NRG3: variants seen among roughly 807,000 people sequenced by gnomAD.
NRG3 encodes pro-neuregulin-3, membrane-bound isoform.
In NRG3, 31 loss-of-function variants were observed where a neutral mutation model predicts 66.9. That is an observed-to-expected ratio of 0.46 (90% CI 0.35 to 0.63). The LOEUF is 0.63. NRG3 is among the 20% of genes least tolerant of loss of function. NRG3 has a pLI of 0.00. For synonymous variants in NRG3, 393 were observed against 359.4 expected, an observed-to-expected ratio of 1.09 and a Z score of -1.06; for missense variants, 910 against 878.9, an observed-to-expected ratio of 1.04 and a Z score of -0.45.
chr10:82,579,535 A>G (rs963165612), intron 2 of NRG3, among the ~76,000 whole-genome samples: 24 of 152,044 alleles, frequency 1.6e-4, no homozygotes, highest in African/African-American at 5.8e-4. Context: ...ACAAGCACAC[A>G]TGTGCGTTTG....
chr10:82,532,657 A>T (rs1194995963), intron 2 of NRG3, among the ~76,000 whole-genome samples: 1 of 149,528 alleles, frequency 6.7e-6, no homozygotes, highest in Non-Finnish European at 1.5e-5. Context: ...ATATGTATAT[A>T]TCTCTCATTT....
chr10:82,497,860 A>G (rs1025233985), intron 2 of NRG3, among the ~76,000 whole-genome samples: 7 of 152,182 alleles, frequency 4.6e-5, no homozygotes, highest in South Asian at 2.1e-4. Context: ...CCCACCAACG[A>G]TAGACAAGGG....
At chr10:81,968,744 G>A (rs536218475) in intron 1 of NRG3, among the ~76,000 whole-genome samples, 19 of 152,276 alleles carry the variant, frequency 1.2e-4, no homozygotes, top group Non-Finnish European at 2.4e-4. Context: ...CTTGGAAAAA[G>A]TTAAATTCTT....
intron 1 of NRG3, among the ~76,000 whole-genome samples, chr10:81,959,661 A>G (rs551381250): frequency 3.5e-4 from 53 of 151,404 alleles, no homozygotes; most frequent in Non-Finnish European, 6.8e-4. Flanking sequence ...CAAGTCTTCC[A>G]CTTTTAACTT....
chr10:82,174,756 T>C (rs1376318428), intron 1 of NRG3, among the ~76,000 whole-genome samples: 3 of 152,092 alleles, frequency 2.0e-5, no homozygotes, highest in Admixed American at 6.6e-5. Context: ...TGTTATGATT[T>C]TGAGCACTCC....
chr10:82,773,657 CTTA>C (rs1280634489), intron 3 of NRG3, among the ~76,000 whole-genome samples: 1 of 151,720 alleles, frequency 6.6e-6, no homozygotes, highest in African/African-American at 2.4e-5. Flanking sequence ...AATTTGGATG[CTTA>C]TTGTTATTAT....
chr10:82,703,056 T>TTCTC (rs72202035), intron 2 of NRG3, among the ~76,000 whole-genome samples: 4,021 of 149,546 alleles, frequency 0.027, 185 homozygotes, highest in African/African-American at 0.093. Context: ...TCTTTTGTCT[T>TTCTC]TCTCTCTCTC....
Position 82,785,209 on chromosome 10 carries a change from TA to T in NRG3, c.1027+46560del, listed in dbSNP as rs562334225. On this transcript the variant is annotated intron_variant, in intron 3 of 8. Coordinates refer to ENST00000372141, the MANE Select transcript of NRG3 (RefSeq NM_001010848.4). The stretch of plus-strand genomic sequence containing the variant: ...TCACACTCTGGGGGCTGTTGTGGGG[TA>T]GGGGGAAGGGGGAGGGATAGCATTA... Among the ~76,000 whole-genome samples, 1,031 of 128,612 alleles carry T rather than the reference TA, an allele frequency of 8.0e-3. 14 individuals carry two copies. The highest frequency in any genetic ancestry group is 0.028 in the African/African-American group (940 of 33,310). The allele number at this position is 128,612 out of a possible 152,430, so 84.4% of individuals were successfully genotyped here. A position where few individuals can be genotyped will look rare whatever the true frequency, so the allele number is the denominator to read the frequency against.
At chr10:82,852,944 C>A (rs991962692) in intron 3 of NRG3, among the ~76,000 whole-genome samples, 2 of 152,146 alleles carry the variant, frequency 1.3e-5, no homozygotes, top group Non-Finnish European at 2.9e-5. Flanking sequence ...TTGCAGTCAA[C>A]CCTTCCTGAT....
At chr10:82,263,217 G>A (rs2078122936) in intron 1 of NRG3, among the ~76,000 whole-genome samples, 1 of 152,008 alleles carries the variant, frequency 6.6e-6, no homozygotes, top group African/African-American at 2.4e-5. Context: ...AGATGTGGAT[G>A]GCTGAGGGAA....
chr10:82,918,952 A>G (rs1846140948), intron 4 of NRG3, among the ~76,000 whole-genome samples: 1 of 152,056 alleles, frequency 6.6e-6, no homozygotes, highest in South Asian at 2.1e-4. Flanking sequence ...TAGTAATCCT[A>G]CCTGTTCTAG....
intron 3 of NRG3, among the ~76,000 whole-genome samples, chr10:82,750,060 C>A (rs779604259): frequency 1.3e-5 from 2 of 152,190 alleles, no homozygotes; most frequent in Non-Finnish European, 2.9e-5. Context: ...ATTTTCAACT[C>A]TGTTAACTAG....
At chr10:82,161,148 AT>A (rs1192910306) in intron 1 of NRG3, among the ~76,000 whole-genome samples, 1 of 152,090 alleles carries the variant, frequency 6.6e-6, no homozygotes, top group African/African-American at 2.4e-5. Flanking sequence ...ATTATCAAGA[AT>A]TCAGGTGGGG....
chr10:82,278,050 G>A (rs1221610546), intron 1 of NRG3, among the ~76,000 whole-genome samples: 1 of 152,014 alleles, frequency 6.6e-6, no homozygotes, highest in East Asian at 1.9e-4. Flanking sequence ...GGAGGAGGTG[G>A]AATTCCCTTA....
chr10:82,109,241 G>A (rs2067234230), intron 1 of NRG3, among the ~76,000 whole-genome samples: 1 of 152,142 alleles, frequency 6.6e-6, no homozygotes, highest in Admixed American at 6.5e-5. Flanking sequence ...AGGGCTCTTG[G>A]TCTTAGGGAG....
chr10:82,852,634 G>A (rs75138099), intron 3 of NRG3, among the ~76,000 whole-genome samples: 1,632 of 152,170 alleles, frequency 0.011, 23 homozygotes, highest in African/African-American at 0.037. Context: ...ATACGTAGAC[G>A]GTAGTTTCAA....
chr10:82,798,653 G>A (rs1361866782), intron 3 of NRG3, among the ~76,000 whole-genome samples: 2 of 152,162 alleles, frequency 1.3e-5, no homozygotes, highest in Non-Finnish European at 2.9e-5. Flanking sequence ...TTTTACAGTT[G>A]CAACTACAAT....
rs1372565747 is a variant in NRG3 at position 81,875,238 on chromosome 10, GCCGCC to G, written c.-102_-98del. The G allele has an allele frequency of 1.5e-5, 8 of 530,854 alleles. No individual in the cohort carries two copies. The African/African-American group carries it at 1.7e-4, about 11-fold the overall frequency. 32.9% of individuals were successfully genotyped at this position (530,854 alleles called of 1,614,324 possible). Reference sequence around the variant, plus strand: ...GCGGCCGCTGCCTGCGCCCGAGCCCGCCGCCGCCGCCGGAGCCCGCGCCCGCGCCC... The same window carrying G: ...GCGGCCGCTGCCTGCGCCCGAGCCCGGCCGCCGGAGCCCGCGCCCGCGCCC... On this transcript the variant is annotated 5_prime_UTR_variant, in exon 1 of 9. An upstream open reading frame in the 5' UTR loses its in-frame stop. Coordinates refer to ENST00000372141, the MANE Select transcript of NRG3 (RefSeq NM_001010848.4). This position sits in a 1 kb window ranked among gnomAD's most constrained non-coding sequence, Gnocchi z 5.3.
chr10:82,948,837 T>C (rs1372781079), intron 4 of NRG3, among the ~76,000 whole-genome samples: 1 of 152,168 alleles, frequency 6.6e-6, no homozygotes, highest in African/African-American at 2.4e-5. Context: ...TCTGTATAAA[T>C]TGTCATGTTG....
Sources: gnomAD v4.1 joint callset for allele counts (sites outside exome capture counted in the v4.1 genomes callset) on GRCh38, gnomAD v4.1.1 for gene constraint, Gnocchi (gnomAD v3.1) non-coding constraint, MANE v1.5 for transcripts, NCBI Gene and HGNC (gene_info 2026-07-23, HGNC 2026-07-21) for gene names.